The following ZNF385D variants were observed in gnomAD, a reference collection of about 807,000 sequenced individuals.
ZNF385D encodes zinc finger protein 385D.
In ZNF385D, 15 loss-of-function variants were observed where a neutral mutation model predicts 35.8. The observed-to-expected ratio is 0.42, with a 90% CI of 0.28 to 0.64. The LOEUF is 0.64. ZNF385D is among the 30% of genes least tolerant of loss of function. ZNF385D has a pLI of 0.23. For missense variants in ZNF385D, 474 were observed against 494.6 expected (o/e 0.96, Z 0.39); for synonymous variants, 212 against 186.8 (o/e 1.13, Z -1.10).
intron 3 of ZNF385D, among the ~76,000 whole-genome samples, chr3:21,787,974 A>G (rs2071769073): frequency 1.1e-5 from 1 of 92,246 alleles, no homozygotes; most frequent in African/African-American, 4.0e-5. Context: ...AAAAAAAAAA[A>G]AAAAAAAAGA....
intron 3 of ZNF385D, among the ~76,000 whole-genome samples, chr3:21,935,244 G>T (rs543574595): frequency 1.2e-3 from 186 of 152,220 alleles, no homozygotes; most frequent in African/African-American, 4.1e-3. Flanking sequence ...TGCTATGCAT[G>T]CCTTAAAATA....
At chr3:22,008,799 T>A (rs1353915789) in intron 3 of ZNF385D, among the ~76,000 whole-genome samples, 1 of 152,108 alleles carries the variant, frequency 6.6e-6, no homozygotes, top group East Asian at 1.9e-4. Context: ...AACCAAACAA[T>A]TATAAAAATA....
chr3:21,514,654 C>T (rs566031443), intron 3 of ZNF385D, among the ~76,000 whole-genome samples: 1 of 151,920 alleles, frequency 6.6e-6, no homozygotes, highest in African/African-American at 2.4e-5. Flanking sequence ...ACCAATCAGG[C>T]TATCTCTGTA....
At chr3:21,486,825 AT>A (rs1705063518) in intron 4 of ZNF385D, among the ~76,000 whole-genome samples, 1 of 152,070 alleles carries the variant, frequency 6.6e-6, no homozygotes, top group Non-Finnish European at 1.5e-5. Context: ...TAGAATGTTT[AT>A]TTGTTCATTG....
At chr3:21,873,256 C>G (rs1612644) in intron 3 of ZNF385D, among the ~76,000 whole-genome samples, 1 of 150,590 alleles carries the variant, frequency 6.6e-6, no homozygotes, top group African/African-American at 2.4e-5. Context: ...GGTTAACATA[C>G]AGAATCATAT....
chr3:21,764,566 G>T (rs1363511751), intron 3 of ZNF385D, among the ~76,000 whole-genome samples: 4 of 152,148 alleles, frequency 2.6e-5, no homozygotes, highest in Non-Finnish European at 5.9e-5. Flanking sequence ...GAACGAAAAA[G>T]ATATTTTGCA....
At chr3:22,123,948 CTCTCTCTCTCTCTCTA>C (rs1290748715) in intron 3 of ZNF385D, among the ~76,000 whole-genome samples, 98 of 102,098 alleles carry the variant, frequency 9.6e-4, no homozygotes, top group African/African-American at 3.1e-3. Context: ...CTCTCTCTCT[CTCTCTCTCTCTCTCTA>C]TATATATATA....
intron 3 of ZNF385D, among the ~76,000 whole-genome samples, chr3:22,060,345 G>GT (rs1377680744): frequency 6.6e-6 from 1 of 152,112 alleles, no homozygotes; most frequent in African/African-American, 2.4e-5. Flanking sequence ...TGCTCAATAA[G>GT]TATTTGTTGA....
chr3:22,162,974 T>C (rs117894328), intron 3 of ZNF385D, among the ~76,000 whole-genome samples: 2 of 152,138 alleles, frequency 1.3e-5, no homozygotes, highest in East Asian at 1.9e-4. Context: ...AAGCAGGACA[T>C]AGTAGAGAGT....
At chr3:22,351,783 T>A (rs1234370678) in intron 2 of ZNF385D, among the ~76,000 whole-genome samples, 1 of 152,180 alleles carries the variant, frequency 6.6e-6, no homozygotes, top group Non-Finnish European at 1.5e-5. Context: ...ACAAAATTCA[T>A]AATCCAGAGA....
chr3:22,118,176 T>C (rs775148123), intron 3 of ZNF385D, among the ~76,000 whole-genome samples: 5 of 152,258 alleles, frequency 3.3e-5, no homozygotes, highest in Non-Finnish European at 5.9e-5. Context: ...TTGTGAACTA[T>C]GGAATTGCTA....
chr3:21,580,560 C>T (rs1183200950), intron 2 of ZNF385D, among the ~76,000 whole-genome samples: 3 of 151,884 alleles, frequency 2.0e-5, no homozygotes, highest in African/African-American at 4.8e-5. Flanking sequence ...GCTTTACTGC[C>T]TATTTTTTTC....
intron 3 of ZNF385D, among the ~76,000 whole-genome samples, chr3:21,866,125 T>C (rs993994709): frequency 6.6e-6 from 1 of 151,816 alleles, no homozygotes; most frequent in Non-Finnish European, 1.5e-5. Context: ...TGTAGAAAAA[T>C]AGTTTTATTT....
At chr3:22,220,382 C>G (rs1375920378) in intron 2 of ZNF385D, among the ~76,000 whole-genome samples, 1 of 152,050 alleles carries the variant, frequency 6.6e-6, no homozygotes, top group Non-Finnish European at 1.5e-5. Flanking sequence ...AAAGTTATCT[C>G]TGACTCTAAT....
rs145384205 is a variant in ZNF385D, at chr3:21,955,672, C to T, written c.325+213145G>A. ...GTTTACCCTGCTGCATAGATTCAGC[C>T]TGACCATTTAATTAACCCACATGTT... On this transcript the variant is annotated intron_variant, in intron 3 of 5. Transcript: ENST00000494108. Among the ~76,000 whole-genome samples, 1,343 of 152,214 alleles carry T rather than the reference C, an allele frequency of 8.8e-3. 20 individuals are homozygous for T. Among genetic ancestry groups the T allele is most frequent in the African/African-American group, 0.03 (1,230 of 41,534 alleles).
At chr3:22,294,960 ACTAT>A (rs1702490920) in intron 2 of ZNF385D, among the ~76,000 whole-genome samples, 1 of 152,088 alleles carries the variant, frequency 6.6e-6, no homozygotes, top group Admixed American at 6.6e-5. Context: ...CAGGGGTATA[ACTAT>A]CTATCTCTGT....
At chr3:21,882,056 T>C (rs764483697) in intron 3 of ZNF385D, among the ~76,000 whole-genome samples, 2 of 151,998 alleles carry the variant, frequency 1.3e-5, no homozygotes, top group African/African-American at 4.8e-5. Flanking sequence ...TGAAGATGCT[T>C]TGAACATTGT....
At chr3:22,171,113 TG>T (rs1694389163) in intron 2 of ZNF385D, among the ~76,000 whole-genome samples, 1 of 151,894 alleles carries the variant, frequency 6.6e-6, no homozygotes, top group African/African-American at 2.4e-5. Context: ...CCATTTATTA[TG>T]AAAAAATAAA....
chr3:22,221,164 C>T (rs974799501), intron 2 of ZNF385D, among the ~76,000 whole-genome samples: 3 of 151,928 alleles, frequency 2.0e-5, no homozygotes, highest in African/African-American at 4.8e-5. Context: ...TATATAGGTA[C>T]ACACAGAAAC....
Sources: gnomAD v4.1 joint callset for allele counts (sites outside exome capture counted in the v4.1 genomes callset) on GRCh38, gnomAD v4.1.1 for gene constraint, MANE v1.5 for transcripts, NCBI Gene and HGNC (gene_info 2026-07-23, HGNC 2026-07-21) for gene names.